MAGI2: variants seen among roughly 807,000 people sequenced by gnomAD.
MAGI2 encodes membrane associated guanylate kinase, WW and PDZ domain containing 2.
A neutral mutation model predicts 133.3 loss-of-function variants in MAGI2; 35 were observed. The observed-to-expected ratio is 0.26, with a 90% CI of 0.20 to 0.35. The LOEUF is 0.35. Ranked by LOEUF, MAGI2 falls within the 10% of genes least tolerant of loss-of-function variation. MAGI2 has a pLI of 1.00. For missense variants in MAGI2, 1,636 were observed against 1,863.4 expected (o/e 0.88, Z 2.25); for synonymous variants, 729 against 710.6 (o/e 1.03, Z -0.41).
intron 1 of MAGI2, among the ~76,000 whole-genome samples, chr7:79,330,491 G>A (rs566764538): frequency 7.2e-5 from 11 of 152,068 alleles, no homozygotes; most frequent in Admixed American, 1.3e-4. Flanking sequence ...CACTGCGCCC[G>A]GCCCAAATAA....
At chr7:78,763,526 G>T (rs925422926) in intron 2 of MAGI2, among the ~76,000 whole-genome samples, 1 of 152,170 alleles carries the variant, frequency 6.6e-6, no homozygotes, top group Non-Finnish European at 1.5e-5. Flanking sequence ...ATATTTCGAA[G>T]GGATGACTTA....
At chr7:78,524,995 T>TAA in intron 3 of MAGI2, among the ~76,000 whole-genome samples, 1 of 152,002 alleles carries the variant, frequency 6.6e-6, no homozygotes, top group African/African-American at 2.4e-5. Context: ...TTCCCTGAAG[T>TAA]AAAAAAACCT....
chr7:78,161,698 A>AAC (rs1825028146), intron 15 of MAGI2, among the ~76,000 whole-genome samples: 1 of 150,976 alleles, frequency 6.6e-6, no homozygotes, highest in Non-Finnish European at 1.5e-5. Context: ...GAAAAAAAAA[A>AAC]AGCTGTATTT....
At chr7:78,573,372 A>AC (rs1801919782) in intron 3 of MAGI2, among the ~76,000 whole-genome samples, 1 of 11,708 alleles carries the variant, frequency 8.5e-5, no homozygotes, top group Non-Finnish European at 1.7e-4. Context: ...GGAAATATAT[A>AC]TATATATATA....
At chr7:78,336,095 AT>A (rs1789729980) in intron 9 of MAGI2, among the ~76,000 whole-genome samples, 1 of 152,194 alleles carries the variant, frequency 6.6e-6, no homozygotes, top group South Asian at 2.1e-4. Flanking sequence ...TGTCTCTGGG[AT>A]TATAGGTTTA....
chr7:79,215,222 A>T (rs1829922849), intron 1 of MAGI2, among the ~76,000 whole-genome samples: 1 of 152,002 alleles, frequency 6.6e-6, no homozygotes, highest in East Asian at 1.9e-4. Context: ...CTTTGCAGCA[A>T]TAAGATACAT....
intron 6 of MAGI2, among the ~76,000 whole-genome samples, chr7:78,422,907 T>C (rs1798930339): frequency 6.6e-6 from 1 of 152,228 alleles, no homozygotes; most frequent in South Asian, 2.1e-4. Flanking sequence ...AAAGAATCAT[T>C]AACCATTTCC....
chr7:78,415,207 T>C (rs1413001212), intron 6 of MAGI2, among the ~76,000 whole-genome samples: 2 of 152,072 alleles, frequency 1.3e-5, no homozygotes, highest in Non-Finnish European at 2.9e-5. Context: ...TCATAATTAA[T>C]TGATTTGGTA....
intron 6 of MAGI2, among the ~76,000 whole-genome samples, chr7:78,481,380 C>G (rs570076087): frequency 2.5e-4 from 38 of 152,062 alleles, no homozygotes; most frequent in African/African-American, 8.4e-4. Context: ...AATTAACTAT[C>G]ATGAGAACAG....
chr7:78,437,994 T>C (rs1787214304), intron 6 of MAGI2, among the ~76,000 whole-genome samples: 1 of 152,108 alleles, frequency 6.6e-6, no homozygotes, highest in East Asian at 1.9e-4. Context: ...AGGAGCAATA[T>C]CAAAACCAAC....
intron 1 of MAGI2, among the ~76,000 whole-genome samples, chr7:79,384,449 T>C (rs1844034133): frequency 8.0e-6 from 1 of 125,094 alleles, no homozygotes; most frequent in African/African-American, 3.6e-5. Flanking sequence ...ATAAAAACAA[T>C]ATATTAAGTC....
chr7:78,696,125 A>G (rs1817490469), intron 2 of MAGI2, among the ~76,000 whole-genome samples: 1 of 152,014 alleles, frequency 6.6e-6, no homozygotes, highest in Non-Finnish European at 1.5e-5. Context: ...TGTTTTGTAG[A>G]AAGAGGGTCT....
chr7:78,483,281 A>G lies in MAGI2; in HGVS notation c.1045+6480T>C, dbSNP rs148749593. Reference sequence around the variant, plus strand: ...AAACAGATTTGATGATGTCAATATTATTTTAAAAGTTGTATGCATTGAGGA... The same window carrying G: ...AAACAGATTTGATGATGTCAATATTGTTTTAAAAGTTGTATGCATTGAGGA... On this transcript the variant is annotated intron_variant, in intron 6 of 21. Transcript: ENST00000354212. Among the ~76,000 whole-genome samples, 26 of 152,056 alleles carry G rather than the reference A, an allele frequency of 1.7e-4. No individual in the cohort carries two copies. The East Asian group carries it at 5.0e-3, about 30-fold the overall frequency.
intron 2 of MAGI2, among the ~76,000 whole-genome samples, chr7:78,983,355 AAAT>A (rs1259923814): frequency 6.6e-6 from 1 of 152,032 alleles, no homozygotes; most frequent in Non-Finnish European, 1.5e-5. Context: ...CTACTGTTCT[AAAT>A]AAGACTCATG....
intron 4 of MAGI2, among the ~76,000 whole-genome samples, chr7:78,506,796 G>C (rs527827452): frequency 6.6e-6 from 1 of 152,192 alleles, no homozygotes; most frequent in Non-Finnish European, 1.5e-5. Flanking sequence ...GTTTAAAAAT[G>C]AATGAAAGGA....
At chr7:78,750,128 AGT>A (rs775073345) in intron 2 of MAGI2, among the ~76,000 whole-genome samples, 4 of 152,072 alleles carry the variant, frequency 2.6e-5, no homozygotes, top group Admixed American at 6.6e-5. Flanking sequence ...GAGAATATGC[AGT>A]GTTTGGTTTT....
chr7:78,729,492 G>T (rs922793183), intron 2 of MAGI2, among the ~76,000 whole-genome samples: 2 of 152,190 alleles, frequency 1.3e-5, no homozygotes, highest in African/African-American at 4.8e-5. Context: ...TGTTAAGGGA[G>T]AAGGCATCTT....
At chr7:78,511,556 T>TAAA (rs1207462985) in intron 4 of MAGI2, among the ~76,000 whole-genome samples, 1 of 108,668 alleles carries the variant, frequency 9.2e-6, no homozygotes, top group Non-Finnish European at 2.1e-5. Context: ...TATAAATTTT[T>TAAA]TTTTTTTTTT....
Position 78,419,060 on chromosome 7 carries a change from C to A in MAGI2, c.1046-49847G>T, listed in dbSNP as rs1798556984. On this transcript the variant is annotated intron_variant, in intron 6 of 21. Coordinates refer to ENST00000354212, the MANE Select transcript of MAGI2 (RefSeq NM_012301.4). ...ATACATAAACTCAGTAAATATTGAT[C>A]AACCTGAAAATTTCAGAAGGTGAAT... Among the ~76,000 whole-genome samples, 3 of 152,056 alleles carry A rather than the reference C, an allele frequency of 2.0e-5. No individual in the cohort carries two copies. The South Asian group carries it at 6.2e-4, about 32-fold the overall frequency.
Sources: allele counts gnomAD v4.1 joint callset (sites outside exome capture counted in the v4.1 genomes callset), GRCh38; gene constraint gnomAD v4.1.1; transcripts MANE v1.5; gene names NCBI Gene and HGNC (gene_info 2026-07-23, HGNC 2026-07-21).